The following TSPAN2 variants were observed in gnomAD, a reference collection of about 807,000 sequenced individuals.
TSPAN2 encodes the protein tetraspanin-2.
A neutral mutation model predicts 33.3 loss-of-function variants in TSPAN2; 24 were observed. The observed-to-expected ratio is 0.72, with a 90% CI of 0.52 to 1.01. TSPAN2 has a LOEUF of 1.01. Among genes scored for constraint, TSPAN2 ranks in the 50% least tolerant of loss-of-function variants. The probability of loss-of-function intolerance (pLI) is 0.00; values close to 1 mark genes in which losing one functional copy is unlikely to be tolerated. For missense variants in TSPAN2, 278 were observed against 281.3 expected, an observed-to-expected ratio of 0.99 and a Z score of 0.08; for synonymous variants, 114 against 104.5, an observed-to-expected ratio of 1.09 and a Z score of -0.56.
At chr1:115,052,645 C>A (rs949766334) in intron 7 of TSPAN2, among the ~76,000 whole-genome samples, 3 of 152,146 alleles carry the variant, frequency 2.0e-5, no homozygotes, top group South Asian at 2.1e-4. Flanking sequence ...TCCATTCTTC[C>A]CACACACTCT....
At chr1:115,084,097 C>T (rs1165307391) in intron 1 of TSPAN2, among the ~76,000 whole-genome samples, 3 of 152,156 alleles carry the variant, frequency 2.0e-5, no homozygotes, top group Non-Finnish European at 4.4e-5. Flanking sequence ...AAAACACCTG[C>T]CTGCTTTGTT....
chr1:115,088,116 C>T (rs749087872), intron 1 of TSPAN2, among the ~76,000 whole-genome samples: 1 of 152,206 alleles, frequency 6.6e-6, no homozygotes, highest in Non-Finnish European at 1.5e-5. Context: ...GGCCATGTGT[C>T]TCTTTAAAGT....
rs909363706 is a variant in TSPAN2 at position 115,068,011 on chromosome 1, G to A, written c.172+4894C>T. ...CCTGAAAGAGACTAGCGTGGACAAG[G>A]TCTAGGCAACACGGAGCAACCCAAG... On this transcript the variant is annotated intron_variant, in intron 2 of 7. Transcript: ENST00000369516. 2.0e-5 allele frequency among the ~76,000 whole-genome samples: 3 copies of A among 152,184 alleles called. No homozygotes were observed. In the South Asian group the frequency reaches 6.2e-4, roughly 32 times the overall value.
chr1:115,085,017 T>C (rs1307360917), intron 1 of TSPAN2, among the ~76,000 whole-genome samples: 2 of 152,180 alleles, frequency 1.3e-5, no homozygotes, highest in Non-Finnish European at 2.9e-5. Flanking sequence ...ACACTGACCA[T>C]ACAACAATAA....
At chr1:115,074,085 T>G (rs1648299221) in intron 1 of TSPAN2, among the ~76,000 whole-genome samples, 1 of 152,196 alleles carries the variant, frequency 6.6e-6, no homozygotes, top group South Asian at 2.1e-4. Flanking sequence ...GCTGTTGGGC[T>G]GCCCTAGTCT....
In TSPAN2 at chr1:115,053,399, T is replaced by C; in HGVS notation, c.580A>G (p.Ile194Val). ...CTCACCGTCAGACCTGCAATTCCAATACCGACAATTCCAATGAGCTGGAGC... is the reference window on the plus strand; with the variant it reads ...CTCACCGTCAGACCTGCAATTCCAACACCGACAATTCCAATGAGCTGGAGC... ...VKLQLIGIVGIGIAGLTIFGM... is the reference protein window; with the variant it reads ...VKLQLIGIVGVGIAGLTIFGM... Residue 194 changes from isoleucine to valine, a missense_variant, in exon 7 of 8, where the codon ATT becomes GTT. Coordinates refer to ENST00000369516, the MANE Select transcript of TSPAN2 (RefSeq NM_005725.6). 6.2e-7 allele frequency: 1 copy of C among 1,613,964 alleles called. No homozygotes were observed.
At chr1:115,058,818 T>G in intron 5 of TSPAN2, 65 bp downstream of exon 5, 16 of 1,323,288 alleles carry the variant, frequency 1.2e-5, no homozygotes, top group Non-Finnish European at 1.6e-5. Flanking sequence ...TGGTGATTGG[T>G]GAGAACCTGG....
intron 2 of TSPAN2, among the ~76,000 whole-genome samples, chr1:115,064,805 C>T (rs148822823): frequency 2.6e-5 from 4 of 152,282 alleles, no homozygotes; most frequent in East Asian, 1.9e-4. Context: ...ATGGTTGCTT[C>T]GCACCCCGAG....
intron 6 of TSPAN2, among the ~76,000 whole-genome samples, chr1:115,057,029 G>A (rs537135485): frequency 6.6e-6 from 1 of 152,220 alleles, no homozygotes; most frequent in South Asian, 2.1e-4. Context: ...GATCAAATCC[G>A]TATTTATAGC....
At chr1:115,072,390 A>C (rs1648214929) in intron 2 of TSPAN2, among the ~76,000 whole-genome samples, 1 of 152,038 alleles carries the variant, frequency 6.6e-6, no homozygotes, top group Non-Finnish European at 1.5e-5. Context: ...GGAGAGACTG[A>C]GATTAGCACC....
At chr1:115,053,547 T>A (rs1375976642) in intron 6 of TSPAN2, 85 bp from the exon 7 acceptor site, 1 of 1,150,890 alleles carries the variant, frequency 8.7e-7, no homozygotes, top group Non-Finnish European at 1.3e-6. Context: ...ATCTCTACAG[T>A]TCATTCTGTG....
chr1:115,064,069 G>A (rs966924027), intron 2 of TSPAN2, among the ~76,000 whole-genome samples: 1 of 147,116 alleles, frequency 6.8e-6, no homozygotes, highest in African/African-American at 2.5e-5. Context: ...AAAAAAAAAA[G>A]TCATTCACTG....
chr1:115,073,076 C>T lies in TSPAN2; in HGVS notation c.70-69G>A, dbSNP rs141183748. On this transcript the variant is annotated intron_variant, in intron 1 of 7. Transcript: ENST00000369516. ...GCATGCACAGATCCGAGAGCAGGCTCTAGGCACAGGATGCTGACAAGGTCA... is the reference window on the plus strand; with the variant it reads ...GCATGCACAGATCCGAGAGCAGGCTTTAGGCACAGGATGCTGACAAGGTCA... 1.1e-3 allele frequency: 1,445 copies of T among 1,348,774 alleles called. 10 individuals are homozygous for T. The African/African-American group carries it at 0.019, about 17-fold the overall frequency. The allele number at this position is 1,348,774 out of a possible 1,614,324, so 83.6% of individuals were successfully genotyped here.
chr1:115,056,854 A>T (rs1296216507), intron 6 of TSPAN2, among the ~76,000 whole-genome samples: 1 of 152,160 alleles, frequency 6.6e-6, no homozygotes, highest in African/African-American at 2.4e-5. Flanking sequence ...TGCCCTCAAC[A>T]GCAGCACCTG....
chr1:115,062,614 C>T (rs1280183886), intron 2 of TSPAN2, among the ~76,000 whole-genome samples: 1 of 152,220 alleles, frequency 6.6e-6, no homozygotes, highest in Non-Finnish European at 1.5e-5. Context: ...TCTGAGAGAA[C>T]TAAAGCCAAG....
intron 2 of TSPAN2, 45 bp downstream of exon 2, chr1:115,072,860 C>T (rs372563587): frequency 1.2e-4 from 177 of 1,485,482 alleles, no homozygotes; most frequent in Admixed American, 4.5e-4. Flanking sequence ...CTTTGCACAG[C>T]CCCATCTACT....
chr1:115,066,460 GTTCCCAGGCAA>G (rs1557880010), intron 2 of TSPAN2, among the ~76,000 whole-genome samples: 1 of 152,088 alleles, frequency 6.6e-6, no homozygotes. Context: ...TATGGAACAT[GTTCCCAGGCAA>G]TTCCATCACT....
At chr1:115,087,271 A>G (rs1448759943) in intron 1 of TSPAN2, among the ~76,000 whole-genome samples, 2 of 152,044 alleles carry the variant, frequency 1.3e-5, no homozygotes, top group African/African-American at 4.8e-5. Context: ...CTGCTGGCCC[A>G]GGAACCACTT....
chr1:115,077,536 G>T (rs907301430), intron 1 of TSPAN2, among the ~76,000 whole-genome samples: 5 of 152,162 alleles, frequency 3.3e-5, no homozygotes, highest in Admixed American at 6.5e-5. Context: ...AACAATGTGT[G>T]TTCTAAAACT....
Sources: gnomAD v4.1 joint callset for allele counts (sites outside exome capture counted in the v4.1 genomes callset) on GRCh38, gnomAD v4.1.1 for gene constraint, MANE v1.5 for transcripts, NCBI Gene and HGNC (gene_info 2026-07-23, HGNC 2026-07-21) for gene names.